Variants in METTL15 observed in about 807,000 individuals in gnomAD.
METTL15 encodes 12S rRNA N(4)-cytidine methyltransferase METTL15.
In METTL15, 34 loss-of-function variants were observed where a neutral mutation model predicts 38.3. The observed-to-expected ratio is 0.89, with a 90% CI of 0.68 to 1.18. The LOEUF (loss-of-function observed/expected upper bound fraction) is 1.18. METTL15 is among the 50% of genes most tolerant of loss of function. The pLI, the probability that METTL15 is intolerant of heterozygous loss-of-function variation, is 0.00. For synonymous variants in METTL15, 162 were observed against 170.9 expected, an observed-to-expected ratio of 0.95 and a Z score of 0.41; for missense variants, 438 against 498.4, an observed-to-expected ratio of 0.88 and a Z score of 1.15.
chr11:28,113,621 T>C lies in METTL15; in HGVS notation c.270+17T>C, dbSNP rs200982195. On this transcript the variant is annotated intron_variant, in intron 3 of 6. Coordinates refer to ENST00000407364, the MANE Select transcript of METTL15 (RefSeq NM_001113528.2). ...AAAGGACAGGTGAGTTGAATTTTTA[T>C]TTTTTAGCAAGTTTTTGTTGAGATA... is the stretch of plus-strand genomic sequence containing the variant. The C allele has an allele frequency of 1.9e-6, 3 of 1,597,082 alleles. No individual in the cohort carries two copies. In the East Asian group the frequency reaches 6.7e-5, roughly 36 times the overall value.
chr11:28,270,714 C>T (rs1351892204), intron 4 of METTL15, among the ~76,000 whole-genome samples: 1 of 152,156 alleles, frequency 6.6e-6, no homozygotes, highest in Non-Finnish European at 1.5e-5. Context: ...AACTCAATGT[C>T]TGGCACATAG....
chr11:28,387,710 T>A (rs1850455007), intron 5 of METTL15, among the ~76,000 whole-genome samples: 1 of 152,056 alleles, frequency 6.6e-6, no homozygotes, highest in Non-Finnish European at 1.5e-5. Context: ...CCAGCATTAC[T>A]CTGATACCAG....
At chr11:28,390,364 C>G (rs1287923993) in intron 5 of METTL15, among the ~76,000 whole-genome samples, 4 of 151,342 alleles carry the variant, frequency 2.6e-5, no homozygotes, top group Non-Finnish European at 5.9e-5. Flanking sequence ...GGTTTTAGGT[C>G]TAATATTTAA....
intron 4 of METTL15, among the ~76,000 whole-genome samples, chr11:28,241,547 A>G (rs1359524613): frequency 2.0e-5 from 3 of 151,952 alleles, no homozygotes; most frequent in Non-Finnish European, 4.4e-5. Flanking sequence ...AAAAGAAAAA[A>G]AAAAAAAAGA....
downstream of METTL15, among the ~76,000 whole-genome samples, chr11:28,335,396 C>CA (rs1335694900): frequency 6.6e-6 from 1 of 152,138 alleles, no homozygotes; most frequent in African/African-American, 2.4e-5. Flanking sequence ...CTTGAATTCT[C>CA]ATTTGTTTCA....
chr11:28,113,706 A>G, intron 3 of METTL15, 102 bp downstream of exon 3: 1 of 1,283,398 alleles, frequency 7.8e-7, no homozygotes, highest in East Asian at 2.5e-5. Flanking sequence ...CCTTTAGTAT[A>G]CAGATGAATC....
rs565601449 is a variant in METTL15 at position 28,206,314 on chromosome 11, C to G, written c.271-4748C>G. 1.8e-3 allele frequency among the ~76,000 whole-genome samples: 268 copies of G among 152,098 alleles called. 2 individuals carry two copies. The highest frequency in any genetic ancestry group is 5.9e-3 in the African/African-American group (244 of 41,464). On this transcript the variant is annotated intron_variant, in intron 3 of 6. Coordinates refer to ENST00000407364, the MANE Select transcript of METTL15 (RefSeq NM_001113528.2). ...ATGTAAGGAAGGGATCCAGTTTCAG[C>G]TTTCTGCATGTGGCTAGCCAGTTTT...
At chr11:28,128,319 T>A (rs1852583495) in intron 3 of METTL15, among the ~76,000 whole-genome samples, 1 of 152,160 alleles carries the variant, frequency 6.6e-6, no homozygotes, top group Admixed American at 6.6e-5. Context: ...ACTACATTCA[T>A]ATTCTATAAG....
intron 6 of METTL15, among the ~76,000 whole-genome samples, chr11:28,321,430 C>A (rs1397578309): frequency 6.6e-6 from 1 of 151,994 alleles, no homozygotes; most frequent in Admixed American, 6.6e-5. Context: ...ATTTTTTATG[C>A]TTTTTCATAG....
At chr11:28,411,306 TGGA>T (rs1850722227) in intron 5 of METTL15, among the ~76,000 whole-genome samples, 2 of 151,878 alleles carry the variant, frequency 1.3e-5, no homozygotes, top group Non-Finnish European at 1.5e-5. Context: ...AAATAAAAGT[TGGA>T]GGCATCACAT....
At chr11:28,306,304 T>A (rs770816023) in intron 6 of METTL15, among the ~76,000 whole-genome samples, 1 of 152,072 alleles carries the variant, frequency 6.6e-6, no homozygotes, top group African/African-American at 2.4e-5. Context: ...AGTTTTCACA[T>A]TGATATTAAT....
At chr11:28,437,474 T>C (rs913652010) in intron 6 of METTL15, among the ~76,000 whole-genome samples, 3 of 152,202 alleles carry the variant, frequency 2.0e-5, no homozygotes, top group Non-Finnish European at 4.4e-5. Flanking sequence ...ATCCTTCAAC[T>C]GGTCAGATGT....
chr11:28,439,700 A>C (rs1851017491), intron 6 of METTL15, among the ~76,000 whole-genome samples: 1 of 152,174 alleles, frequency 6.6e-6, no homozygotes, highest in Admixed American at 6.5e-5. Context: ...AGCCCTGTTA[A>C]GTTTGATCTC....
At chr11:28,328,271 T>G in intron 6 of METTL15, 7 of 1,097,504 alleles carry the variant, frequency 6.4e-6, no homozygotes, top group Non-Finnish European at 8.9e-6. Context: ...TCCAGACTTT[T>G]GGCAAAGTAA....
chr11:28,390,692 G>A (rs12280246), intron 5 of METTL15, among the ~76,000 whole-genome samples: 1 of 152,182 alleles, frequency 6.6e-6, no homozygotes, highest in African/African-American at 2.4e-5. Flanking sequence ...TTGTGGCTTA[G>A]GATTGACTTG....
chr11:28,206,300 G>A (rs1852340203), intron 3 of METTL15, among the ~76,000 whole-genome samples: 1 of 151,888 alleles, frequency 6.6e-6, no homozygotes, highest in Non-Finnish European at 1.5e-5. Flanking sequence ...TGTAAGGAAG[G>A]GATCCAGTTT....
At chr11:28,424,743 C>T (rs7931948) in intron 6 of METTL15, among the ~76,000 whole-genome samples, 64,250 of 151,960 alleles carry the variant, frequency 0.42, 14,989 homozygotes, top group Admixed American at 0.54. Flanking sequence ...AATTCTTCCA[C>T]CAAGAGATGT....
At chr11:28,355,923 C>T (rs891188133) in intron 4 of METTL15, among the ~76,000 whole-genome samples, 5 of 152,190 alleles carry the variant, frequency 3.3e-5, no homozygotes, top group East Asian at 1.9e-4. Flanking sequence ...TATCTTTTTC[C>T]TTTGCTCATT....
chr11:28,304,248 A>C (rs1412913528), intron 6 of METTL15, among the ~76,000 whole-genome samples: 1 of 152,120 alleles, frequency 6.6e-6, no homozygotes, highest in Non-Finnish European at 1.5e-5. Context: ...CTTAGGAGTT[A>C]TGTGACTTGT....
Sources: allele counts gnomAD v4.1 joint callset (sites outside exome capture counted in the v4.1 genomes callset), GRCh38; gene constraint gnomAD v4.1.1; transcripts MANE v1.5; gene names NCBI Gene and HGNC (gene_info 2026-07-23, HGNC 2026-07-21).